The following MALRD1 variants were observed in gnomAD, a reference collection of about 807,000 sequenced individuals.
The protein encoded by MALRD1 is MAM and LDL-receptor class A domain-containing protein 1.
A neutral mutation model predicts 242.1 loss-of-function variants in MALRD1; 247 were observed. That is an observed-to-expected ratio of 1.02 (90% CI 0.92 to 1.13). The LOEUF (loss-of-function observed/expected upper bound fraction) is 1.13. Ranked by LOEUF, MALRD1 falls within the 50% of genes most tolerant of loss-of-function variation. The probability of loss-of-function intolerance (pLI) is 0.00; values close to 1 mark genes in which losing one functional copy is unlikely to be tolerated. For synonymous variants in MALRD1, 995 were observed against 866.6 expected (o/e 1.15, Z -2.60); for missense variants, 2,989 against 2,533.1 (o/e 1.18, Z -3.86).
intron 29 of MALRD1, among the ~76,000 whole-genome samples, chr10:19,454,498 G>A (rs1008153520): frequency 7.0e-6 from 1 of 142,562 alleles, no homozygotes; most frequent in African/African-American, 2.6e-5. Flanking sequence ...GATATTCCTG[G>A]ACTTATGATG....
intron 18 of MALRD1, among the ~76,000 whole-genome samples, chr10:19,218,847 T>C (rs17722015): frequency 0.17 from 25,324 of 152,082 alleles, 2,756 homozygotes; most frequent in Admixed American, 0.26. Flanking sequence ...GGAGATATTA[T>C]ACTGAAAAAT....
rs1433530530 is a variant in MALRD1, at chr10:19,284,085, G to C, written c.3419+904G>C. Among the ~76,000 whole-genome samples the C allele has an allele frequency of 3.3e-5, 5 of 152,328 alleles. No homozygotes were observed. In the South Asian group the frequency reaches 1.0e-3, roughly 32 times the overall value. Reference sequence around the variant, plus strand: ...GCCCTGAGCCAGGACCATACAGGAAGACCAGCATGGCTGGGGTGGGATAAG... The same window carrying C: ...GCCCTGAGCCAGGACCATACAGGAACACCAGCATGGCTGGGGTGGGATAAG... On this transcript the variant is annotated intron_variant, in intron 21 of 39. Transcript: ENST00000454679.
chr10:19,210,602 T>G (rs1837007176), intron 18 of MALRD1, among the ~76,000 whole-genome samples: 1 of 152,224 alleles, frequency 6.6e-6, no homozygotes, highest in Admixed American at 6.5e-5. Flanking sequence ...GTACTCAACT[T>G]CTTTAGTTAC....
At chr10:19,207,886 C>T (rs1346234341) in intron 17 of MALRD1, among the ~76,000 whole-genome samples, 1 of 152,136 alleles carries the variant, frequency 6.6e-6, no homozygotes, top group African/African-American at 2.4e-5. Context: ...TATGCCTGCA[C>T]CGTAACTCTT....
chr10:19,703,855 A>C (rs186435735), intron 38 of MALRD1, among the ~76,000 whole-genome samples: 17 of 152,342 alleles, frequency 1.1e-4, no homozygotes, highest in Admixed American at 2.0e-4. Context: ...AGATTGTGCC[A>C]CTGCACTCCA....
At chr10:19,661,505 A>G (rs978356306) in intron 36 of MALRD1, among the ~76,000 whole-genome samples, 3 of 152,166 alleles carry the variant, frequency 2.0e-5, no homozygotes, top group African/African-American at 7.2e-5. Flanking sequence ...TGAAGCTGGA[A>G]ACCATCATTC....
intron 4 of MALRD1, among the ~76,000 whole-genome samples, chr10:19,103,730 G>C (rs11008491): frequency 2.6e-5 from 4 of 152,004 alleles, no homozygotes; most frequent in Non-Finnish European, 4.4e-5. Context: ...ATCTAGGTGA[G>C]TATTGCTGCA....
intron 19 of MALRD1, among the ~76,000 whole-genome samples, chr10:19,258,573 C>A (rs1290529517): frequency 6.6e-5 from 10 of 152,148 alleles, no homozygotes; most frequent in Admixed American, 6.5e-4. Flanking sequence ...ATCATCTTAG[C>A]CTCACTGGTC....
At chr10:19,207,194 T>A (rs947244300) in intron 17 of MALRD1, among the ~76,000 whole-genome samples, 11 of 151,844 alleles carry the variant, frequency 7.2e-5, no homozygotes, top group Admixed American at 3.3e-4. Context: ...TAAAAAAAAC[T>A]AACATGTAAA....
intron 38 of MALRD1, among the ~76,000 whole-genome samples, chr10:19,696,600 T>A (rs770949135): frequency 3.3e-5 from 5 of 152,048 alleles, no homozygotes; most frequent in Non-Finnish European, 7.4e-5. Context: ...AAAAATGATA[T>A]TTTTAATCCA....
chr10:19,734,061 C>T (rs983558108), intron 39 of MALRD1, 96 bp from the exon 40 acceptor site: 10 of 908,010 alleles, frequency 1.1e-5, no homozygotes, highest in African/African-American at 8.5e-5. Context: ...AGTGAAAATC[C>T]ATTGGGACCT....
At chr10:19,386,426 A>AAAG (rs1554761108) in intron 26 of MALRD1, among the ~76,000 whole-genome samples, 4 of 150,988 alleles carry the variant, frequency 2.6e-5, no homozygotes, top group Admixed American at 2.6e-4. Context: ...GAAAAAAAAA[A>AAAG]TGTCAGATCC....
intron 17 of MALRD1, among the ~76,000 whole-genome samples, chr10:19,208,155 G>A (rs745438364): frequency 7.9e-5 from 12 of 151,980 alleles, no homozygotes; most frequent in Non-Finnish European, 1.2e-4. Context: ...CAGATAAGGC[G>A]AGACTGCTGT....
chr10:19,610,674 T>C (rs889479744), intron 35 of MALRD1, among the ~76,000 whole-genome samples: 1 of 152,038 alleles, frequency 6.6e-6, no homozygotes, highest in Admixed American at 6.6e-5. Context: ...TGCAAGCAGT[T>C]GTAGAAATTC....
chr10:19,314,654 G>C (rs1163771769), intron 21 of MALRD1, among the ~76,000 whole-genome samples: 4 of 151,544 alleles, frequency 2.6e-5, no homozygotes, highest in African/African-American at 9.7e-5. Flanking sequence ...AATCCAATCT[G>C]ATGCCTGTTT....
In MALRD1 at chr10:19,491,624, A is replaced by G. The variant is rs61841364; in HGVS notation, c.5137A>G (p.Arg1713Gly). The change falls in exon 30 of 40, where the codon AGG becomes GGG. Residue 1713 changes from arginine (R) to glycine (G), a missense_variant. Physicochemically the swap from Arg to Gly is moderately radical, Grantham distance 125. Transcript: ENST00000454679. The part of the protein sequence containing the change: ...LCDYKPDCSD[R>G]SDEAHCAHYT... ...TGACTATAAGCCAGACTGCTCTGAT[A>G]GGTCTGATGAAGCTCACTGTGGTAA... 3.2e-3 allele frequency: 4,979 copies of G among 1,549,732 alleles called. 9 individuals are homozygous for G. Among genetic ancestry groups the G allele is most frequent in the Non-Finnish European group, 4.0e-3 (4,617 of 1,146,712 alleles).
chr10:19,407,878 G>A (rs1269155725), intron 28 of MALRD1, among the ~76,000 whole-genome samples: 1 of 152,138 alleles, frequency 6.6e-6, no homozygotes, highest in African/African-American at 2.4e-5. Flanking sequence ...TTATCTGTGT[G>A]TCCAAGAGGT....
chr10:19,242,735 G>C (rs149729720), intron 18 of MALRD1, among the ~76,000 whole-genome samples: 250 of 151,904 alleles, frequency 1.6e-3, no homozygotes, highest in African/African-American at 5.7e-3. Context: ...AATATGACAT[G>C]ACTGTGGCTA....
intron 38 of MALRD1, among the ~76,000 whole-genome samples, chr10:19,716,496 A>G (rs1312667079): frequency 6.6e-6 from 1 of 152,170 alleles, no homozygotes; most frequent in Non-Finnish European, 1.5e-5. Context: ...ATCCCCAGAA[A>G]CAGAAGCCAC....
Sources: allele counts gnomAD v4.1 joint callset (sites outside exome capture counted in the v4.1 genomes callset), GRCh38; gene constraint gnomAD v4.1.1; transcripts MANE v1.5; gene names NCBI Gene and HGNC (gene_info 2026-07-23, HGNC 2026-07-21).